The following SASH1 variants were observed in gnomAD, a reference collection of about 807,000 sequenced individuals.
SASH1 encodes the protein SAM and SH3 domain containing 1, also known as SAM and SH3 domain-containing protein 1.
SASH1 carries 44 observed loss-of-function variants against 125.2 expected under a neutral mutation model. The ratio of observed to expected loss-of-function variants is 0.35; its 90% CI spans 0.28 to 0.45. The LOEUF (loss-of-function observed/expected upper bound fraction) is 0.45, where lower values mean the gene tolerates loss of function less well. SASH1 is among the 20% of genes least tolerant of loss of function. The pLI is 1.00. For synonymous variants in SASH1, 639 were observed against 649.1 expected (o/e 0.98, Z 0.24); for missense variants, 1,426 against 1,614.5 (o/e 0.88, Z 2.00).
intron 2 of SASH1, among the ~76,000 whole-genome samples, chr6:148,428,272 A>G (rs913418100): frequency 4.6e-5 from 7 of 152,184 alleles, no homozygotes; most frequent in African/African-American, 1.7e-4. Context: ...TTACTTAGCC[A>G]TCTTAAGTCA....
intron 8 of SASH1, among the ~76,000 whole-genome samples, chr6:148,507,938 T>C (rs1027748787): frequency 6.6e-6 from 1 of 152,216 alleles, no homozygotes; most frequent in African/African-American, 2.4e-5. Flanking sequence ...ATGGAGACTT[T>C]GTGTGGGTTT....
chr6:148,388,892 G>A (rs531980250), intron 1 of SASH1, among the ~76,000 whole-genome samples: 3 of 151,804 alleles, frequency 2.0e-5, no homozygotes, highest in South Asian at 2.1e-4. Context: ...TCTAAAAGTC[G>A]TATTTTCCTT....
the SASH1 span, among the ~76,000 whole-genome samples, chr6:148,215,015 C>T: frequency 1.3e-5 from 2 of 152,142 alleles, no homozygotes; most frequent in African/African-American, 2.4e-5. Context: ...AGGAGTCTGG[C>T]GGGCTCGTTC....
the SASH1 span, among the ~76,000 whole-genome samples, chr6:148,214,507 T>C: frequency 2.6e-5 from 4 of 152,226 alleles, no homozygotes; most frequent in African/African-American, 9.6e-5. Flanking sequence ...GAGCTTCAAG[T>C]ATTAATTGAG....
At chr6:148,463,469 T>C (rs916766894) in intron 4 of SASH1, among the ~76,000 whole-genome samples, 1 of 152,186 alleles carries the variant, frequency 6.6e-6, no homozygotes, top group Non-Finnish European at 1.5e-5. Flanking sequence ...AAACGGAGTT[T>C]AATAATATTC....
chr6:148,525,044 A>C, intron 10 of SASH1: 1 of 455,356 alleles, frequency 2.2e-6, no homozygotes. Flanking sequence ...TGGTTTTTGC[A>C]TGTTAAGGGG....
At chr6:148,498,196 C>T (rs1779392542) in intron 8 of SASH1, among the ~76,000 whole-genome samples, 1 of 143,614 alleles carries the variant, frequency 7.0e-6, no homozygotes, top group Non-Finnish European at 1.5e-5. Flanking sequence ...CCAGCCCGGC[C>T]AACATGGTGA....
chr6:148,438,461 G>A (rs1415423801), intron 2 of SASH1, among the ~76,000 whole-genome samples: 1 of 152,086 alleles, frequency 6.6e-6, no homozygotes, highest in African/African-American at 2.4e-5. Context: ...TGGTAGAAAT[G>A]GTGTATCAAG....
At position 148,387,624 on chromosome 6, in the gene SASH1, CT is replaced by C. The variant is rs1192824688; in HGVS notation, c.157-2507del. Among the ~76,000 whole-genome samples the C allele has an allele frequency of 1.0e-3, 29 of 28,908 alleles. 4 individuals are homozygous for C. Among genetic ancestry groups the C allele is most frequent in the African/African-American group, 3.5e-3 (28 of 7,970 alleles). 19.0% of individuals were successfully genotyped at this position (28,908 alleles called of 152,430 possible). A position where few individuals can be genotyped will look rare whatever the true frequency, so the allele number is the denominator to read the frequency against. On this transcript the variant is annotated intron_variant, in intron 1 of 19. Coordinates refer to ENST00000367467, the MANE Select transcript of SASH1 (RefSeq NM_015278.5). ...TCTTTCTTTCTTTCTTTCTTTCTTT[CT>C]TTCTTTCTTTCTTTCTTTCTTTCTT...
intron 1 of SASH1, among the ~76,000 whole-genome samples, chr6:148,335,464 C>CAAAA (rs534202487): frequency 2.9e-4 from 23 of 79,874 alleles, no homozygotes; most frequent in South Asian, 4.5e-4. Flanking sequence ...GACTCTGTCT[C>CAAAA]AAAAAAAAAA....
the SASH1 span, among the ~76,000 whole-genome samples, chr6:148,247,871 C>T: frequency 1.3e-5 from 2 of 152,330 alleles, no homozygotes; most frequent in East Asian, 3.9e-4. Flanking sequence ...CTGGGAAACC[C>T]TAGACCTCCT....
At chr6:148,513,773 C>T in intron 8 of SASH1, 1 of 985,882 alleles carries the variant, frequency 1.0e-6, no homozygotes, top group Non-Finnish European at 1.2e-6. Context: ...GAAGGGCTGG[C>T]TGCAATGTGG....
At chr6:148,273,407 C>T (rs1779111553) in intron 1 of SASH1, among the ~76,000 whole-genome samples, 1 of 150,220 alleles carries the variant, frequency 6.7e-6, no homozygotes, top group Non-Finnish European at 1.5e-5. Flanking sequence ...AATTCTCCTG[C>T]CTTGGCCTCC....
At chr6:148,286,692 A>G (rs554289096) in intron 1 of SASH1, among the ~76,000 whole-genome samples, 8 of 152,294 alleles carry the variant, frequency 5.3e-5, no homozygotes, top group African/African-American at 1.9e-4. Context: ...GACACCAGTC[A>G]TACGGATTAG....
intron 1 of SASH1, among the ~76,000 whole-genome samples, chr6:148,281,921 C>T (rs1377716820): frequency 7.3e-6 from 1 of 136,944 alleles, no homozygotes; most frequent in Non-Finnish European, 1.6e-5. Context: ...GACTCCGTCT[C>T]AAAAAAAAAA....
chr6:148,538,796 T>C (rs1275767658), intron 16 of SASH1, among the ~76,000 whole-genome samples: 1 of 152,108 alleles, frequency 6.6e-6, no homozygotes, highest in Admixed American at 6.5e-5. Flanking sequence ...GTGTATGTGG[T>C]TGGAGTGGGG....
At chr6:148,449,821 G>A (rs1487200875) in intron 4 of SASH1, among the ~76,000 whole-genome samples, 2 of 152,188 alleles carry the variant, frequency 1.3e-5, no homozygotes, top group East Asian at 1.9e-4. Context: ...AGGCCAAAGA[G>A]GAAGTGAATA....
At chr6:148,260,070 G>T in the SASH1 span, among the ~76,000 whole-genome samples, 5 of 152,036 alleles carry the variant, frequency 3.3e-5, no homozygotes, top group South Asian at 2.1e-4. Context: ...CTTTTTAAAT[G>T]ATTCTTACCC....
At chr6:148,486,345 T>C (rs1397765222) in intron 7 of SASH1, among the ~76,000 whole-genome samples, 2 of 152,158 alleles carry the variant, frequency 1.3e-5, no homozygotes, top group Non-Finnish European at 2.9e-5. Flanking sequence ...GGTCTCGAAC[T>C]CCTGACCTCA....
Sources: allele counts gnomAD v4.1 joint callset (sites outside exome capture counted in the v4.1 genomes callset), GRCh38; gene constraint gnomAD v4.1.1; transcripts MANE v1.5; gene names NCBI Gene and HGNC (gene_info 2026-07-23, HGNC 2026-07-21).